PCDH17: variants seen among roughly 807,000 people sequenced by gnomAD.
PCDH17 encodes the protein protocadherin 17.
PCDH17 carries 21 observed loss-of-function variants against 67.7 expected under a neutral mutation model. The observed-to-expected ratio is 0.31, with a 90% CI of 0.22 to 0.45. PCDH17 has a LOEUF of 0.45. PCDH17 is among the 20% of genes least tolerant of loss of function. PCDH17 has a pLI of 1.00. For missense variants in PCDH17, 1,471 were observed against 1,564.8 expected (o/e 0.94, Z 1.01); for synonymous variants, 701 against 656.7 (o/e 1.07, Z -1.03).
intron 1 of PCDH17, among the ~76,000 whole-genome samples, chr13:57,637,129 C>T (rs1487487896): frequency 6.6e-6 from 1 of 152,064 alleles, no homozygotes; most frequent in Non-Finnish European, 1.5e-5. Flanking sequence ...CACACACACA[C>T]AGAATGTAAA....
At position 57,710,251 on chromosome 13, in the gene PCDH17, T is replaced by C. The variant is rs114987319; in HGVS notation, c.2798-14361T>C. 4.1e-3 allele frequency among the ~76,000 whole-genome samples: 623 copies of C among 151,994 alleles called. 4 individuals are homozygous for C. The highest frequency in any genetic ancestry group is 0.014 in the African/African-American group (600 of 41,522). ...GAGAAACTGAGTCCCCAAATTCCTC[T>C]TTCCTTTTGGACTCAATTACACATC... On this transcript the variant is annotated intron_variant, in intron 3 of 3. Transcript: ENST00000377918.
chr13:57,632,655 A>C lies in PCDH17; in HGVS notation c.109A>C (p.Asn37His), dbSNP rs1226888035. ...EEQGAGTVIGNIGRDARLQPG... is the reference protein window; with the variant it reads ...EEQGAGTVIGHIGRDARLQPG... Reference sequence around the variant, plus strand: ...GCAAGGGGCCGGCACGGTGATCGGGAACATCGGCAGGGATGCTCGACTGCA... The same window carrying C: ...GCAAGGGGCCGGCACGGTGATCGGGCACATCGGCAGGGATGCTCGACTGCA... The change falls in exon 1 of 4, where the codon AAC becomes CAC. Residue 37 changes from asparagine (N) to histidine (H), a missense_variant. Around this residue, in one of 3 missense-constraint regions of PCDH17, gnomAD observed 1,163 missense variants for 1,230.0 expected, o/e 0.95. Coordinates refer to ENST00000377918, the MANE Select transcript of PCDH17 (RefSeq NM_001040429.3). The C allele has an allele frequency of 1.2e-6, 2 of 1,612,856 alleles. No individual in the cohort carries two copies. The highest frequency in any genetic ancestry group is 4.5e-5 in the East Asian group (2 of 44,842).
chr13:57,702,266 C>T (rs1399273607), intron 3 of PCDH17, among the ~76,000 whole-genome samples: 3 of 152,026 alleles, frequency 2.0e-5, no homozygotes, highest in Non-Finnish European at 4.4e-5. Context: ...ATGGCTTTCA[C>T]TTGCAAAAGG....
intron 3 of PCDH17, among the ~76,000 whole-genome samples, chr13:57,694,124 T>TGA (rs922606231): frequency 9.3e-5 from 14 of 151,214 alleles, no homozygotes; most frequent in African/African-American, 2.9e-4. Context: ...TTGGCAAAGT[T>TGA]GAGTATTGAC....
At chr13:57,641,576 AAAAAAAAAAAAAT>A (rs1263131134) in intron 1 of PCDH17, among the ~76,000 whole-genome samples, 89 of 81,494 alleles carry the variant, frequency 1.1e-3, no homozygotes, top group East Asian at 5.3e-3. Flanking sequence ...AAAAAAAAAA[AAAAAAAAAAAAAT>A]ATATATATAT....
Position 57,633,674 on chromosome 13 carries a change from C to T in PCDH17, c.1128C>T (p.Val376=), listed in dbSNP as rs1419244844. The change falls in exon 1 of 4, where the codon GTC becomes GTT. Residue 376 remains valine, a synonymous_variant. Coordinates refer to ENST00000377918, the MANE Select transcript of PCDH17 (RefSeq NM_001040429.3). The surrounding 1 kb of genome is among the most constrained non-coding windows in gnomAD (Gnocchi z 6.2). The stretch of plus-strand genomic sequence containing the variant: ...GCACCGTCATCGCCCTGGTGCGGGT[C>T]ACTGACCGGGACTCTGGCAAGAACG... ...PPGTVIALVR[V]TDRDSGKNGQ... The T allele has an allele frequency of 5.6e-6, 9 of 1,605,582 alleles. No individual in the cohort carries two copies. The highest frequency in any genetic ancestry group is 1.1e-5 in the South Asian group (1 of 91,064).
intron 3 of PCDH17, among the ~76,000 whole-genome samples, chr13:57,692,028 G>A (rs1955563993): frequency 6.6e-6 from 1 of 151,138 alleles, no homozygotes; most frequent in Non-Finnish European, 1.5e-5. Context: ...AGTGAGAACA[G>A]GAAGTTAAAA....
rs757703432 is a variant in PCDH17 at position 57,633,737 on chromosome 13, G to C, written c.1191G>C (p.Thr397=). 6.3e-7 allele frequency: 1 copy of C among 1,591,694 alleles called. No homozygotes were observed. The highest frequency in any genetic ancestry group is 1.3e-5 in the African/African-American group (1 of 74,656). Residue 397 remains threonine (T), a synonymous_variant, in exon 1 of 4, where the codon ACG becomes ACC. Coordinates refer to ENST00000377918, the MANE Select transcript of PCDH17 (RefSeq NM_001040429.3). This position sits in a 1 kb window ranked among gnomAD's most constrained non-coding sequence, Gnocchi z 6.2. ...LQCRVLGGGG[T]GGGGGLGGPG... Reference sequence around the variant, plus strand: ...GTCGGGTCCTAGGCGGAGGAGGGACGGGCGGCGGCGGGGGCCTGGGCGGGC... The same window carrying C: ...GTCGGGTCCTAGGCGGAGGAGGGACCGGCGGCGGCGGGGGCCTGGGCGGGC...
chr13:57,699,448 G>T (rs1032370237), intron 3 of PCDH17, among the ~76,000 whole-genome samples: 1 of 151,884 alleles, frequency 6.6e-6, no homozygotes, highest in South Asian at 2.1e-4. Context: ...TGCACATTAC[G>T]TTTCTCTCTC....
intron 1 of PCDH17, among the ~76,000 whole-genome samples, chr13:57,648,389 A>G (rs1011197937): frequency 6.6e-6 from 1 of 151,960 alleles, no homozygotes. Flanking sequence ...CTCCCAGGAA[A>G]TATAATTGGA....
intron 3 of PCDH17, among the ~76,000 whole-genome samples, chr13:57,709,024 G>C (rs1236057297): frequency 6.6e-6 from 1 of 151,206 alleles, no homozygotes; most frequent in Non-Finnish European, 1.5e-5. Flanking sequence ...ATATACCACA[G>C]CATTTTCTTA....
intron 1 of PCDH17, among the ~76,000 whole-genome samples, chr13:57,662,455 C>T (rs2138017967): frequency 6.6e-6 from 1 of 152,210 alleles, no homozygotes; most frequent in Non-Finnish European, 1.5e-5. Flanking sequence ...AGATCCTATA[C>T]ATTTTAAAAA....
At chr13:57,648,591 T>C (rs1954996487) in intron 1 of PCDH17, among the ~76,000 whole-genome samples, 1 of 152,020 alleles carries the variant, frequency 6.6e-6, no homozygotes, top group African/African-American at 2.4e-5. Context: ...AGAGTCAAAA[T>C]AGTTAATCTT....
chr13:57,649,668 T>G (rs1005429237), intron 1 of PCDH17, among the ~76,000 whole-genome samples: 1 of 152,208 alleles, frequency 6.6e-6, no homozygotes, highest in Admixed American at 6.5e-5. Flanking sequence ...ATGATTTTCA[T>G]TATGCTTATT....
intron 1 of PCDH17, among the ~76,000 whole-genome samples, chr13:57,662,193 T>C (rs901669022): frequency 3.3e-5 from 5 of 152,166 alleles, no homozygotes; most frequent in Non-Finnish European, 5.9e-5. Flanking sequence ...AAGAGAGTAG[T>C]GTAATTTCTT....
At chr13:57,684,584 T>C (rs921794333) in intron 3 of PCDH17, among the ~76,000 whole-genome samples, 5 of 151,946 alleles carry the variant, frequency 3.3e-5, no homozygotes, top group African/African-American at 1.2e-4. Context: ...AAACCCATTA[T>C]TTATCAACCT....
At chr13:57,712,759 T>C (rs963479299) in intron 3 of PCDH17, among the ~76,000 whole-genome samples, 3 of 151,700 alleles carry the variant, frequency 2.0e-5, no homozygotes, top group Admixed American at 6.6e-5. Flanking sequence ...TCTTCTGTTA[T>C]ATTAATATGA....
At chr13:57,712,111 A>G (rs1168305784) in intron 3 of PCDH17, among the ~76,000 whole-genome samples, 1 of 151,728 alleles carries the variant, frequency 6.6e-6, no homozygotes, top group Non-Finnish European at 1.5e-5. Context: ...TACTTTTATC[A>G]TTTAAAGAAT....
intron 3 of PCDH17, among the ~76,000 whole-genome samples, chr13:57,695,245 A>C (rs1955595715): frequency 6.6e-6 from 1 of 151,296 alleles, no homozygotes; most frequent in Non-Finnish European, 1.5e-5. Context: ...AAGTATATTG[A>C]TAATTTACAT....
Sources: allele counts gnomAD v4.1 joint callset (sites outside exome capture counted in the v4.1 genomes callset), GRCh38; gene constraint gnomAD v4.1.1; regional missense constraint gnomAD v4.1.1; non-coding constraint Gnocchi (gnomAD v3.1); transcripts MANE v1.5; gene names NCBI Gene and HGNC (gene_info 2026-07-23, HGNC 2026-07-21).